The following SACS variants were observed in gnomAD, a reference collection of about 807,000 sequenced individuals.
The protein encoded by SACS is sacsin molecular chaperone, also known as sacsin.
SACS carries 197 observed loss-of-function variants against 348.0 expected under a neutral mutation model. That is an observed-to-expected ratio of 0.57 (90% CI 0.50 to 0.64). SACS has a LOEUF of 0.64. Among genes scored for constraint, SACS ranks in the 30% least tolerant of loss-of-function variants. The pLI is 0.00. For synonymous variants in SACS, 1,985 were observed against 1,910.6 expected (o/e 1.04, Z -1.02); for missense variants, 4,999 against 5,360.8 (o/e 0.93, Z 2.11).
chr13:23,426,846 G>C (rs1413627042), intron 1 of SACS: 1 of 152,112 alleles, frequency 6.6e-6, no homozygotes, highest in African/African-American at 2.4e-5. Flanking sequence ...TAGAATGGGA[G>C]GCAGGTTTGC....
chr13:23,347,681 C>T (rs1869694684), intron 9 of SACS, among the ~76,000 whole-genome samples: 2 of 152,266 alleles, frequency 1.3e-5, no homozygotes, highest in South Asian at 2.1e-4. Context: ...TAAATTATTA[C>T]AAATACTTAA....
At chr13:23,353,177 G>A (rs1342441554) in intron 9 of SACS, among the ~76,000 whole-genome samples, 1 of 152,106 alleles carries the variant, frequency 6.6e-6, no homozygotes, top group African/African-American at 2.4e-5. Context: ...TTCCTAAAAG[G>A]ACACCTATCA....
chr13:23,386,907 G>C (rs556989380), intron 2 of SACS, among the ~76,000 whole-genome samples: 9 of 152,172 alleles, frequency 5.9e-5, no homozygotes, highest in Non-Finnish European at 1.2e-4. Flanking sequence ...AGAGCAGTGA[G>C]AGAACATACC....
At position 23,329,711 on chromosome 13, in the gene SACS, T is replaced by C; in HGVS notation, c.*425A>G. The C allele has an allele frequency of 2.0e-6, 1 of 510,964 alleles. No homozygotes were observed. Among genetic ancestry groups the C allele is most frequent in the Non-Finnish European group, 3.4e-6 (1 of 293,668 alleles). 31.7% of individuals were successfully genotyped at this position (510,964 alleles called of 1,614,324 possible). On this transcript the variant is annotated 3_prime_UTR_variant, in exon 10 of 10. Coordinates refer to ENST00000382292, the MANE Select transcript of SACS (RefSeq NM_014363.6). ...GGATCCACTTAAAAAAATGACAGAC[T>C]ACAAAGACTTAATTCCCCTTATGTT... is the stretch of plus-strand genomic sequence containing the variant.
In SACS at chr13:23,333,619, G is replaced by T; in HGVS notation, c.10257C>A (p.Arg3419=). ...TTCCAAATTTTCCAATGCTTACATA[G>T]CGGCCACTGATGGATTTATAGCACG... The part of the protein sequence containing the change: ...SLPCYKSISG[R]YVSIGKFGTC... Residue 3419 remains arginine (R), a synonymous_variant, in exon 10 of 10, where the codon CGC becomes CGA. Coordinates refer to ENST00000382292, the MANE Select transcript of SACS (RefSeq NM_014363.6). 1 of 1,613,724 alleles carries T rather than the reference G, an allele frequency of 6.2e-7. No individual in the cohort carries two copies. The highest frequency in any genetic ancestry group is 8.5e-7 in the Non-Finnish European group (1 of 1,179,766).
chr13:23,355,777 G>A lies in SACS; in HGVS notation c.835C>T (p.Pro279Ser). 1 of 1,614,218 alleles carries A rather than the reference G, an allele frequency of 6.2e-7. No homozygotes were observed. The highest frequency in any genetic ancestry group is 8.5e-7 in the Non-Finnish European group (1 of 1,180,046). ...TFFRFPLRLQ[P>S]SQLSSNLYNK... The stretch of plus-strand genomic sequence containing the variant: ...TAGAGGTTACTACTAAGTTGTGAAG[G>A]TTGTAGGCGAAGAGGGAAACGGAAA... Residue 279 changes from proline (P) to serine (S), a missense_variant, in exon 8 of 10, where the codon CCT becomes TCT. By Grantham distance (74) the Pro-to-Ser change is moderately conservative. Transcript: ENST00000382292.
chr13:23,369,571 C>G (rs1185937946), intron 4 of SACS, among the ~76,000 whole-genome samples: 10 of 149,708 alleles, frequency 6.7e-5, no homozygotes, highest in Non-Finnish European at 1.3e-4. Context: ...TTCAGACGGA[C>G]TCTCCTTCTA....
chr13:23,371,200 A>G (rs1871368681), intron 3 of SACS, 35 bp from the exon 4 acceptor site: 1 of 1,393,362 alleles, frequency 7.2e-7, no homozygotes, highest in Non-Finnish European at 1.0e-6. Context: ...ATGAAAAGCA[A>G]TACAGTCTCT....
At chr13:23,359,202 A>C (rs1373085508) in intron 6 of SACS, among the ~76,000 whole-genome samples, 1 of 152,156 alleles carries the variant, frequency 6.6e-6, no homozygotes, top group African/African-American at 2.4e-5. Context: ...AAAAAAGAAA[A>C]AGAAATATGG....
chr13:23,375,297 G>T, intron 2 of SACS, 28 bp from the exon 3 acceptor site: 1 of 1,399,058 alleles, frequency 7.1e-7, no homozygotes, highest in African/African-American at 1.5e-5. Context: ...ACGCTCAGTC[G>T]GGCTGCGGCT....
chr13:23,376,527 C>A (rs770801839), intron 2 of SACS, among the ~76,000 whole-genome samples: 4 of 152,056 alleles, frequency 2.6e-5, no homozygotes, highest in Non-Finnish European at 5.9e-5. Flanking sequence ...TAATAAATTG[C>A]CATTTCTCCC....
At chr13:23,368,990 T>C (rs191670521) in intron 4 of SACS, among the ~76,000 whole-genome samples, 57 of 152,332 alleles carry the variant, frequency 3.7e-4, no homozygotes, top group Middle Eastern at 3.4e-3. Context: ...TGAGCCACCA[T>C]GCCTGGCCTC....
rs150239282 is a variant in SACS, at chr13:23,344,495, G to A, written c.2186-2805C>T. 1.2e-3 allele frequency among the ~76,000 whole-genome samples: 175 copies of A among 152,170 alleles called. 5 individuals are homozygous for A. Among genetic ancestry groups the A allele is most frequent in the Admixed American group, 0.011 (161 of 15,272 alleles). The stretch of plus-strand genomic sequence containing the variant: ...GAGAGAGAAAATGTAGTAAGACACC[G>A]GTATACGTAAATTAAGTCAGTTCAA... On this transcript the variant is annotated intron_variant, in intron 9 of 9. Transcript: ENST00000382292.
intron 2 of SACS, among the ~76,000 whole-genome samples, chr13:23,382,933 G>T (rs375391951): frequency 4.0e-5 from 6 of 149,414 alleles, no homozygotes; most frequent in African/African-American, 1.5e-4. Context: ...AGGACTACAG[G>T]CATGTACCAC....
rs1328003650 is a variant in SACS at position 23,366,557 on chromosome 13, A to G, written c.346-1280T>C. Among the ~76,000 whole-genome samples the G allele has an allele frequency of 2.0e-5, 3 of 152,360 alleles. No homozygotes were observed. In the East Asian group the frequency reaches 5.8e-4, roughly 29 times the overall value. ...ATATGAAGGATGGAAATAAGAATTA[A>G]ATAGGTAGTGAAAAACAATGTTAAC... On this transcript the variant is annotated intron_variant, in intron 5 of 9. Coordinates refer to ENST00000382292, the MANE Select transcript of SACS (RefSeq NM_014363.6).
At chr13:23,429,643 G>C (rs927753495) in intron 1 of SACS, among the ~76,000 whole-genome samples, 1 of 151,816 alleles carries the variant, frequency 6.6e-6, no homozygotes. Context: ...GATTACAGGC[G>C]TGAGCCACCG....
rs1446067017 is a variant in SACS at position 23,355,575 on chromosome 13, G to A, written c.1037C>T (p.Pro346Leu). 25 of 1,613,880 alleles carry A rather than the reference G, an allele frequency of 1.5e-5. No individual in the cohort carries two copies. Among genetic ancestry groups the A allele is most frequent in the East Asian group, 1.3e-4 (6 of 44,868 alleles). ...AGTTCCCAGAATCTTTATAGAATTCGGCCGCTCATGTTTCAGTGCCTTACT... is the reference window on the plus strand; with the variant it reads ...AGTTCCCAGAATCTTTATAGAATTCAGCCGCTCATGTTTCAGTGCCTTACT... ...SESKALKHER[P>L]NSIKILGTAI... Residue 346 changes from proline (P) to leucine (L), a missense_variant, in exon 8 of 10, where the codon CCG becomes CTG. Coordinates refer to ENST00000382292, the MANE Select transcript of SACS (RefSeq NM_014363.6).
At chr13:23,411,928 C>T (rs1873497514) in intron 1 of SACS, among the ~76,000 whole-genome samples, 188 bp from the exon 2 acceptor site, 1 of 152,216 alleles carries the variant, frequency 6.6e-6, no homozygotes, top group African/African-American at 2.4e-5. Context: ...CCTCACAAGA[C>T]AGGCAACCAA....
rs200735789 is a variant in SACS at position 23,336,151 on chromosome 13, T to C, written c.7725A>G (p.Ile2575Met). 6.8e-6 allele frequency: 11 copies of C among 1,613,572 alleles called. No homozygotes were observed. Among genetic ancestry groups the C allele is most frequent in the African/African-American group, 1.3e-5 (1 of 74,912 alleles). Residue 2575 changes from isoleucine to methionine, a missense_variant, in exon 10 of 10, where the codon ATA becomes ATG. Around this residue, in one of 6 missense-constraint regions of SACS, gnomAD observed 3,156 missense variants for 3,380.1 expected, o/e 0.93. Coordinates refer to ENST00000382292, the MANE Select transcript of SACS (RefSeq NM_014363.6). ...GCAATGGGGCCCACTTATCATCAAA[T>C]ATTCTATCAACTGGATGCTGTCTAG... ...FDPRQHPVDRIFDDKWAPLQG... is the reference protein window; with the variant it reads ...FDPRQHPVDRMFDDKWAPLQG...
Sources: gnomAD v4.1 joint callset for allele counts (sites outside exome capture counted in the v4.1 genomes callset) on GRCh38, gnomAD v4.1.1 for gene constraint, gnomAD v4.1.1 regional missense constraint, MANE v1.5 for transcripts, NCBI Gene and HGNC (gene_info 2026-07-23, HGNC 2026-07-21) for gene names.